Variants in PKHD1 observed in about 807,000 individuals in gnomAD.
The protein encoded by PKHD1 is fibrocystin.
PKHD1 carries 291 observed loss-of-function variants against 412.0 expected under a neutral mutation model. The observed-to-expected ratio is 0.71, with a 90% CI of 0.64 to 0.78. PKHD1 has a LOEUF of 0.78. PKHD1 is among the 30% of genes least tolerant of loss of function. The pLI, the probability that PKHD1 is intolerant of heterozygous loss-of-function variation, is 0.00. For synonymous variants in PKHD1, 1,777 were observed against 1,821.5 expected (o/e 0.98, Z 0.62); for missense variants, 4,825 against 4,950.7 (o/e 0.97, Z 0.76).
chr6:51,972,365 T>A (rs949854301), intron 35 of PKHD1, among the ~76,000 whole-genome samples: 34 of 152,242 alleles, frequency 2.2e-4, no homozygotes, highest in African/African-American at 8.2e-4. Context: ...CAGCATCATG[T>A]GTTCTTAAGC....
Position 51,640,293 on chromosome 6 carries a change from C to A in PKHD1, c.11399-1337G>T, listed in dbSNP as rs1166545534. ...ACAGTGAGTTGGCCTCGTAGAACAG[C>A]CGCCAAATTGCCTAATGGAAAGTGC... On this transcript the variant is annotated intron_variant, in intron 63 of 66. Coordinates refer to ENST00000371117, the MANE Select transcript of PKHD1 (RefSeq NM_138694.4). Among the ~76,000 whole-genome samples the A allele has an allele frequency of 2.0e-5, 3 of 152,176 alleles. No individual in the cohort carries two copies. The East Asian group carries it at 5.8e-4, about 29-fold the overall frequency.
intron 50 of PKHD1, among the ~76,000 whole-genome samples, chr6:51,840,716 T>C (rs905120781): frequency 3.3e-5 from 5 of 152,170 alleles, no homozygotes; most frequent in African/African-American, 1.2e-4. Context: ...ACTCTTAAAA[T>C]ATTGTTTGTT....
chr6:51,862,863 C>T (rs1006324674), intron 48 of PKHD1, among the ~76,000 whole-genome samples: 3 of 152,144 alleles, frequency 2.0e-5, no homozygotes, highest in Non-Finnish European at 4.4e-5. Flanking sequence ...GTCAGTACAA[C>T]GTCATATGAT....
chr6:51,953,302 A>T (rs1463355529), intron 36 of PKHD1, among the ~76,000 whole-genome samples: 2 of 152,090 alleles, frequency 1.3e-5, no homozygotes, highest in South Asian at 2.1e-4. Flanking sequence ...GAGAAAAAAA[A>T]CAAATTATTG....
At chr6:51,919,523 T>A (rs1370032839) in intron 37 of PKHD1, among the ~76,000 whole-genome samples, 1 of 152,226 alleles carries the variant, frequency 6.6e-6, no homozygotes, top group Non-Finnish European at 1.5e-5. Context: ...GCTGTTTTGG[T>A]TACTGTTGCC....
At chr6:51,719,155 A>T (rs1369102693) in intron 60 of PKHD1, among the ~76,000 whole-genome samples, 1 of 152,146 alleles carries the variant, frequency 6.6e-6, no homozygotes, top group Non-Finnish European at 1.5e-5. Context: ...CTTCTAAAAC[A>T]AGCAGTGTAG....
chr6:51,774,562 A>T (rs1790685672), intron 54 of PKHD1, among the ~76,000 whole-genome samples: 1 of 152,004 alleles, frequency 6.6e-6, no homozygotes, highest in Non-Finnish European at 1.5e-5. Context: ...TAGAAAGATA[A>T]AATAAATAGC....
At chr6:51,713,700 A>G (rs1364676317) in intron 60 of PKHD1, among the ~76,000 whole-genome samples, 1 of 152,074 alleles carries the variant, frequency 6.6e-6, no homozygotes, top group Non-Finnish European at 1.5e-5. Flanking sequence ...CATGGACAAT[A>G]CCTGTTCCTT....
At chr6:51,952,418 ATT>A (rs1790491700) in intron 36 of PKHD1, among the ~76,000 whole-genome samples, 1 of 152,140 alleles carries the variant, frequency 6.6e-6, no homozygotes, top group Admixed American at 6.6e-5. Flanking sequence ...TTCAGCCATT[ATT>A]TGAGTACCTG....
At chr6:51,818,331 T>A (rs1038775212) in intron 52 of PKHD1, among the ~76,000 whole-genome samples, 7 of 152,210 alleles carry the variant, frequency 4.6e-5, no homozygotes, top group African/African-American at 1.7e-4. Context: ...TTCCATAAAA[T>A]ATATTTTGCA....
intron 20 of PKHD1, 37 bp from the exon 21 acceptor site, chr6:52,053,288 G>A (rs1043444282): frequency 6.2e-6 from 10 of 1,608,624 alleles, no homozygotes; most frequent in African/African-American, 1.3e-5. Context: ...GGCTCTCAGG[G>A]AGCACTTGCA....
rs759139294 is a variant in PKHD1 at position 51,856,067 on chromosome 6, C to T, written c.7737G>A (p.Ala2579=). 10 of 1,592,868 alleles carry T rather than the reference C, an allele frequency of 6.3e-6. No individual in the cohort carries two copies. Among genetic ancestry groups the T allele is most frequent in the East Asian group, 2.2e-5 (1 of 44,522 alleles). The change falls in exon 49 of 67, where the codon GCG becomes GCA. Residue 2579 remains alanine, a synonymous_variant. Transcript: ENST00000371117. The part of the protein sequence containing the change: ...VLFHRMSIGL[A]NTPEVSYDLT... Reference sequence around the variant, plus strand: ...AATCATAAGAAACTTCAGGAGTATTCGCTCTAAGGTGATTTTAAAAGGAAA... The same window carrying T: ...AATCATAAGAAACTTCAGGAGTATTTGCTCTAAGGTGATTTTAAAAGGAAA...
intron 27 of PKHD1, among the ~76,000 whole-genome samples, chr6:52,037,510 G>GA (rs1804142406): frequency 6.6e-6 from 1 of 152,000 alleles, no homozygotes; most frequent in Non-Finnish European, 1.5e-5. Flanking sequence ...AACCCCATTA[G>GA]AAAAAATGGG....
At chr6:51,761,375 G>A (rs1438466545) in intron 55 of PKHD1, among the ~76,000 whole-genome samples, 1 of 152,088 alleles carries the variant, frequency 6.6e-6, no homozygotes, top group Non-Finnish European at 1.5e-5. Context: ...ATCAAAAAGA[G>A]TGGAATTCAC....
chr6:51,720,359 A>G (rs1279540719), intron 60 of PKHD1, among the ~76,000 whole-genome samples: 1 of 152,070 alleles, frequency 6.6e-6, no homozygotes, highest in Non-Finnish European at 1.5e-5. Flanking sequence ...TCAGGAACCA[A>G]CTCTCATCCA....
At position 52,058,407 on chromosome 6, in the gene PKHD1, G is replaced by C; in HGVS notation, c.1428C>G (p.Thr476=). ...TGGTGACCACATCAGGATTCAGCCA[G>C]GTGTTGTGAATCTGGACACCAATCC... ...GMRIGVQIHN[T]WLNPDVVTTY... The change falls in exon 16 of 67, where the codon ACC becomes ACG. Residue 476 remains threonine (T), a synonymous_variant. Coordinates refer to ENST00000371117, the MANE Select transcript of PKHD1 (RefSeq NM_138694.4). 6.2e-7 allele frequency: 1 copy of C among 1,614,152 alleles called. No homozygotes were observed. Among genetic ancestry groups the C allele is most frequent in the Non-Finnish European group, 8.5e-7 (1 of 1,179,998 alleles).
intron 52 of PKHD1, among the ~76,000 whole-genome samples, chr6:51,815,469 G>A (rs1234075626): frequency 6.6e-6 from 1 of 152,162 alleles, no homozygotes; most frequent in Admixed American, 6.6e-5. Flanking sequence ...TTAGGGTGGG[G>A]AGGGAGAGAA....
At chr6:52,050,872 A>C (rs889525933) in intron 21 of PKHD1, among the ~76,000 whole-genome samples, 6 of 152,222 alleles carry the variant, frequency 3.9e-5, no homozygotes, top group African/African-American at 1.4e-4. Flanking sequence ...CAGTTTTCTT[A>C]TGTGTAAAGC....
At chr6:51,908,869 T>C (rs1470276958) in intron 40 of PKHD1, among the ~76,000 whole-genome samples, 2 of 152,110 alleles carry the variant, frequency 1.3e-5, no homozygotes, top group African/African-American at 4.8e-5. Context: ...ACAGTGTTGA[T>C]AATGTAATGC....
Sources: gnomAD v4.1 joint callset for allele counts (sites outside exome capture counted in the v4.1 genomes callset) on GRCh38, gnomAD v4.1.1 for gene constraint, MANE v1.5 for transcripts, NCBI Gene and HGNC (gene_info 2026-07-23, HGNC 2026-07-21) for gene names.